DGKB: variants seen among roughly 807,000 people sequenced by gnomAD.
DGKB encodes the protein diacylglycerol kinase beta.
A neutral mutation model predicts 114.3 loss-of-function variants in DGKB; 67 were observed. That is an observed-to-expected ratio of 0.59 (90% CI 0.48 to 0.72). The LOEUF is 0.72. Among genes scored for constraint, DGKB ranks in the 30% least tolerant of loss-of-function variants. DGKB has a pLI of 0.00. For missense variants in DGKB, 907 were observed against 975.2 expected, an observed-to-expected ratio of 0.93 and a Z score of 0.93; for synonymous variants, 398 against 323.1, an observed-to-expected ratio of 1.23 and a Z score of -2.49.
intron 21 of DGKB, among the ~76,000 whole-genome samples, chr7:14,422,325 TTTG>T (rs1455289494): frequency 6.6e-6 from 1 of 152,114 alleles, no homozygotes; most frequent in Non-Finnish European, 1.5e-5. Context: ...AGTTAACTTT[TTTG>T]TTGTTATTGT....
At chr7:14,305,131 G>A (rs1804252799) in intron 23 of DGKB, among the ~76,000 whole-genome samples, 2 of 152,052 alleles carry the variant, frequency 1.3e-5, no homozygotes, top group African/African-American at 4.8e-5. Flanking sequence ...CCTTTGTGTG[G>A]GGAACATTAA....
At chr7:14,289,989 C>CA (rs150239176) in intron 23 of DGKB, among the ~76,000 whole-genome samples, 260 of 152,210 alleles carry the variant, frequency 1.7e-3, no homozygotes, top group African/African-American at 5.9e-3. Flanking sequence ...AAGATGTAGG[C>CA]AAAATCAAAT....
intron 23 of DGKB, among the ~76,000 whole-genome samples, chr7:14,242,880 T>TTTA (rs397766779): frequency 4.0e-5 from 6 of 151,322 alleles, no homozygotes; most frequent in Middle Eastern, 3.2e-3. Flanking sequence ...TTTTTTTTTT[T>TTTA]AAAGTATGTG....
chr7:14,803,784 CTG>C (rs1842467656), intron 2 of DGKB, among the ~76,000 whole-genome samples: 2 of 152,154 alleles, frequency 1.3e-5, no homozygotes, highest in African/African-American at 4.8e-5. Context: ...GCTTTGAAAA[CTG>C]TGTATACCAT....
chr7:14,521,059 A>G (rs1243957392), intron 20 of DGKB, among the ~76,000 whole-genome samples: 1 of 152,008 alleles, frequency 6.6e-6, no homozygotes, highest in African/African-American at 2.4e-5. Flanking sequence ...TTCTGATTAG[A>G]TGTCAGGAAT....
chr7:14,828,403 C>A (rs1358025830), intron 2 of DGKB, among the ~76,000 whole-genome samples: 13 of 152,010 alleles, frequency 8.6e-5, no homozygotes. Flanking sequence ...TAAATCAACT[C>A]ATACGATGTG....
intron 14 of DGKB, among the ~76,000 whole-genome samples, chr7:14,626,634 C>T (rs6461112): frequency 0.96 from 146,630 of 152,282 alleles, 70,638 homozygotes; most frequent in East Asian, 1. Flanking sequence ...ATGGACTGAA[C>T]GTGGGATTTG....
intron 23 of DGKB, among the ~76,000 whole-genome samples, chr7:14,284,968 A>T (rs1199899317): frequency 1.3e-5 from 2 of 151,630 alleles, no homozygotes; most frequent in Non-Finnish European, 2.9e-5. Flanking sequence ...GTATGTAACT[A>T]ACCTGCACAA....
intron 15 of DGKB, among the ~76,000 whole-genome samples, chr7:14,614,347 T>C (rs1463275666): frequency 6.6e-6 from 1 of 152,132 alleles, no homozygotes; most frequent in Non-Finnish European, 1.5e-5. Context: ...AAAGTATTCC[T>C]ATTCAATGTA....
At chr7:14,563,750 T>C (rs1797011235) in intron 20 of DGKB, among the ~76,000 whole-genome samples, 1 of 152,104 alleles carries the variant, frequency 6.6e-6, no homozygotes, top group South Asian at 2.1e-4. Flanking sequence ...TTATGTAATC[T>C]GCACATTAGA....
intron 21 of DGKB, among the ~76,000 whole-genome samples, chr7:14,470,104 T>G (rs993100585): frequency 1.3e-5 from 2 of 151,884 alleles, no homozygotes; most frequent in East Asian, 3.9e-4. Flanking sequence ...TGAGTATGTT[T>G]CTTCTTTAAA....
chr7:14,478,408 T>C (rs563804035), intron 20 of DGKB, among the ~76,000 whole-genome samples, 183 bp from the exon 21 acceptor site: 3 of 152,170 alleles, frequency 2.0e-5, no homozygotes, highest in African/African-American at 7.2e-5. Flanking sequence ...TTTATGTAAT[T>C]CTATGCAGAA....
intron 23 of DGKB, among the ~76,000 whole-genome samples, chr7:14,277,366 C>T (rs1046613009): frequency 2.6e-5 from 4 of 151,950 alleles, no homozygotes; most frequent in African/African-American, 9.7e-5. Context: ...TAGAGACAGT[C>T]TTTGCCATAT....
intron 23 of DGKB, among the ~76,000 whole-genome samples, chr7:14,258,148 G>A (rs1024639603): frequency 7.9e-5 from 12 of 152,170 alleles, no homozygotes; most frequent in Non-Finnish European, 1.6e-4. Context: ...TCTTCTAACT[G>A]TGAAAGGGAT....
chr7:14,598,000 T>C (rs1044529544), intron 17 of DGKB, among the ~76,000 whole-genome samples: 2 of 152,192 alleles, frequency 1.3e-5, no homozygotes, highest in East Asian at 3.8e-4. Context: ...GTTTTTGCCA[T>C]GATGGCATGC....
At chr7:14,394,667 T>C (rs10214938) in intron 21 of DGKB, among the ~76,000 whole-genome samples, 6,582 of 23,264 alleles carry the variant, frequency 0.28, 496 homozygotes, top group African/African-American at 0.32. Flanking sequence ...TCAATGACCA[T>C]TTTTTTTTTA....
chr7:14,148,158 G>C lies in DGKB; in HGVS notation c.*973C>G, dbSNP rs1005903940. 3 of 152,564 alleles carry C rather than the reference G, an allele frequency of 2.0e-5. No individual in the cohort carries two copies. The highest frequency in any genetic ancestry group is 2.0e-4 in the Admixed American group (3 of 15,258). The allele number at this position is 152,564 out of a possible 1,614,324, so 9.5% of individuals were successfully genotyped here. A position where few individuals can be genotyped will look rare whatever the true frequency, so the allele number is the denominator to read the frequency against. ...GATTGTGTTGTCTGGCTTATTGTCTGTCTGTGAAAGGTGAGAATTTTAATC... is the reference window on the plus strand; with the variant it reads ...GATTGTGTTGTCTGGCTTATTGTCTCTCTGTGAAAGGTGAGAATTTTAATC... On this transcript the variant is annotated 3_prime_UTR_variant, in exon 26 of 26. Coordinates refer to ENST00000402815, the MANE Select transcript of DGKB (RefSeq NM_001350709.2).
At chr7:14,346,248 G>A (rs1207471773) in intron 21 of DGKB, among the ~76,000 whole-genome samples, 1 of 151,730 alleles carries the variant, frequency 6.6e-6, no homozygotes, top group Non-Finnish European at 1.5e-5. Context: ...CAATTAAAAA[G>A]ACATTTGGCA....
chr7:14,643,678 A>C (rs929212718), intron 13 of DGKB, among the ~76,000 whole-genome samples: 2 of 152,116 alleles, frequency 1.3e-5, no homozygotes, highest in Admixed American at 6.5e-5. Context: ...GCATGTGCAC[A>C]CCAAAGCTTG....
Sources: gnomAD v4.1 joint callset for allele counts (sites outside exome capture counted in the v4.1 genomes callset) on GRCh38, gnomAD v4.1.1 for gene constraint, MANE v1.5 for transcripts, NCBI Gene and HGNC (gene_info 2026-07-23, HGNC 2026-07-21) for gene names.